Variants in RANBP3L observed in about 807,000 individuals in gnomAD.
The protein encoded by RANBP3L is RAN binding protein 3 like, also known as ran-binding protein 3-like.
Under a neutral mutation model 67.2 loss-of-function variants are expected in RANBP3L, and 56 were observed. The observed-to-expected ratio is 0.83, with a 90% CI of 0.67 to 1.04. RANBP3L has a LOEUF of 1.04. RANBP3L is among the 50% of genes least tolerant of loss of function. The pLI, the probability that RANBP3L is intolerant of heterozygous loss-of-function variation, is 0.00. For missense variants in RANBP3L, 496 were observed against 535.5 expected (o/e 0.93, Z 0.73); for synonymous variants, 164 against 181.4 (o/e 0.90, Z 0.77).
intron 5 of RANBP3L, 32 bp from the exon 6 acceptor site, chr5:36,265,130 T>C (rs1749670837): frequency 1.5e-6 from 2 of 1,372,692 alleles, no homozygotes; most frequent in South Asian, 2.7e-5. Flanking sequence ...GATAAATATA[T>C]GTTTACTGAA....
At chr5:36,250,373 A>G (rs1399657027) in intron 13 of RANBP3L, among the ~76,000 whole-genome samples, 1 of 152,060 alleles carries the variant, frequency 6.6e-6, no homozygotes, top group African/African-American at 2.4e-5. Flanking sequence ...CAAGCAGGTT[A>G]TAATACTGAT....
At chr5:36,278,419 A>G (rs1750750118) in intron 1 of RANBP3L, among the ~76,000 whole-genome samples, 1 of 152,122 alleles carries the variant, frequency 6.6e-6, no homozygotes, top group South Asian at 2.1e-4. Context: ...CTACTAAGTC[A>G]GAAGCTACAT....
intron 1 of RANBP3L, among the ~76,000 whole-genome samples, chr5:36,277,196 T>G (rs1750632906): frequency 6.6e-6 from 1 of 152,164 alleles, no homozygotes; most frequent in Admixed American, 6.6e-5. Flanking sequence ...TCCACATGTC[T>G]CTTCCACATC....
At position 36,249,473 on chromosome 5, in the gene RANBP3L, A is replaced by G; in HGVS notation, c.*181T>C. The G allele has an allele frequency of 2.7e-6, 1 of 376,064 alleles. No individual in the cohort carries two copies. The highest frequency in any genetic ancestry group is 4.9e-6 in the Non-Finnish European group (1 of 205,546). 23.3% of individuals were successfully genotyped at this position (376,064 alleles called of 1,614,324 possible). On this transcript the variant is annotated 3_prime_UTR_variant, in exon 14 of 14. Transcript: ENST00000296604. ...TTTTAAATTCTGTCAGTTTCTGCACAATAATCAAAATGTAAAATGTAAAAC... is the reference window on the plus strand; with the variant it reads ...TTTTAAATTCTGTCAGTTTCTGCACGATAATCAAAATGTAAAATGTAAAAC...
chr5:36,295,696 A>G (rs1170453319), intron 1 of RANBP3L, among the ~76,000 whole-genome samples: 1 of 145,386 alleles, frequency 6.9e-6, no homozygotes, highest in Admixed American at 6.8e-5. Context: ...TTTTTTTCAA[A>G]TAGTAGCCAT....
At chr5:36,264,706 T>C (rs1749630752) in intron 6 of RANBP3L, among the ~76,000 whole-genome samples, 1 of 152,190 alleles carries the variant, frequency 6.6e-6, no homozygotes, top group South Asian at 2.1e-4. Context: ...GTCATTGCTC[T>C]GGCACAAGAC....
chr5:36,289,981 G>A (rs1251529389), intron 1 of RANBP3L, among the ~76,000 whole-genome samples: 1 of 152,152 alleles, frequency 6.6e-6, no homozygotes, highest in African/African-American at 2.4e-5. Context: ...AGGAAAATGT[G>A]CAATCTTCTA....
intron 12 of RANBP3L, among the ~76,000 whole-genome samples, chr5:36,252,078 TC>T (rs1343993728): frequency 1.3e-5 from 2 of 152,152 alleles, no homozygotes; most frequent in Non-Finnish European, 2.9e-5. Flanking sequence ...ATTCTTTTTT[TC>T]AATTCCTTCA....
At chr5:36,273,597 C>T (rs1012976491) in intron 1 of RANBP3L, among the ~76,000 whole-genome samples, 3 of 152,250 alleles carry the variant, frequency 2.0e-5, no homozygotes, top group African/African-American at 7.2e-5. Flanking sequence ...CCCCTTCTCC[C>T]AAACAATTCT....
At chr5:36,296,347 C>G (rs1011457143) in intron 1 of RANBP3L, among the ~76,000 whole-genome samples, 3 of 152,106 alleles carry the variant, frequency 2.0e-5, no homozygotes, top group Non-Finnish European at 4.4e-5. Flanking sequence ...ATTTGTGGGT[C>G]TTCACTAATT....
In RANBP3L at chr5:36,269,826, T is replaced by C. The variant is rs149116718; in HGVS notation, c.190+125A>G. 9 of 813,006 alleles carry C rather than the reference T, an allele frequency of 1.1e-5. No homozygotes were observed. The African/African-American group carries it at 1.4e-4, about 12-fold the overall frequency. 50.4% of individuals were successfully genotyped at this position (813,006 alleles called of 1,614,324 possible). On this transcript the variant is annotated intron_variant, in intron 3 of 13. Transcript: ENST00000296604. ...TCTTTCAAAACAAAAGTGAATCTAC[T>C]GGCATATTTAAAAAAAGAAAAAACA...
chr5:36,251,598 G>T (rs1336029409), intron 12 of RANBP3L, 99 bp from the exon 13 acceptor site: 2 of 940,610 alleles, frequency 2.1e-6, no homozygotes, highest in African/African-American at 3.3e-5. Flanking sequence ...GGAATTACAT[G>T]GCATAAATCT....
At chr5:36,268,202 A>C in intron 4 of RANBP3L, 1 of 1,537,230 alleles carries the variant, frequency 6.5e-7, no homozygotes, top group Non-Finnish European at 8.8e-7. Flanking sequence ...CCTGGCCCAG[A>C]ATGGGGGAAG....
At chr5:36,257,123 G>C (rs116035324) in intron 9 of RANBP3L, 52 bp from the exon 10 acceptor site, 42,313 of 1,528,480 alleles carry the variant, frequency 0.028, 745 homozygotes, top group Non-Finnish European at 0.032. Flanking sequence ...TCTCTACTGT[G>C]AAAGTTCTTT....
intron 1 of RANBP3L, among the ~76,000 whole-genome samples, chr5:36,294,737 T>TAC (rs201287727): frequency 6.9e-6 from 1 of 145,292 alleles, no homozygotes; most frequent in East Asian, 3.2e-4. Flanking sequence ...TATTTGGTTT[T>TAC]ATATATATAT....
At chr5:36,298,721 A>T (rs1752408161) in intron 1 of RANBP3L, among the ~76,000 whole-genome samples, 1 of 152,222 alleles carries the variant, frequency 6.6e-6, no homozygotes, top group Non-Finnish European at 1.5e-5. Flanking sequence ...ATGCTTCACA[A>T]CTTTATGGAT....
rs759018425 is a variant in RANBP3L at position 36,265,473 on chromosome 5, C to T, written c.316G>A (p.Val106Ile). Residue 106 changes from valine (V) to isoleucine (I), a missense_variant, in exon 5 of 14, where the codon GTT (valine) becomes ATT (isoleucine). By Grantham distance (29) the Val-to-Ile change is conservative. Transcript: ENST00000296604. ...CCTTGTTCAGCACTCTTTATATCAA[C>T]ACTACTTTGCACAAGAGCTGATGTC... ...FMTSALVQSS[V>I]DIKSAEQGPV... The T allele has an allele frequency of 3.7e-6, 6 of 1,604,746 alleles. No individual in the cohort carries two copies. Among genetic ancestry groups the T allele is most frequent in the Non-Finnish European group, 5.1e-6 (6 of 1,173,556 alleles).
chr5:36,290,726 C>CTTTTTTT (rs61105686), intron 1 of RANBP3L, among the ~76,000 whole-genome samples: 1 of 55,444 alleles, frequency 1.8e-5, no homozygotes, highest in Non-Finnish European at 3.1e-5. Flanking sequence ...ACAACCATGG[C>CTTTTTTT]TTTTTTTTTT....
chr5:36,276,925 G>C (rs1244768534), intron 1 of RANBP3L, among the ~76,000 whole-genome samples: 1 of 152,156 alleles, frequency 6.6e-6, no homozygotes, highest in African/African-American at 2.4e-5. Flanking sequence ...CTAGATTACA[G>C]TACACCTCTT....
Sources: gnomAD v4.1 joint callset for allele counts (sites outside exome capture counted in the v4.1 genomes callset) on GRCh38, gnomAD v4.1.1 for gene constraint, MANE v1.5 for transcripts, NCBI Gene and HGNC (gene_info 2026-07-23, HGNC 2026-07-21) for gene names.